TMEM45A: variants seen among roughly 807,000 people sequenced by gnomAD.
TMEM45A encodes transmembrane protein 45A, also known as DNA polymerase-transactivated protein 4.
Under a neutral mutation model 32.0 loss-of-function variants are expected in TMEM45A, and 25 were observed. That is an observed-to-expected ratio of 0.78 (90% CI 0.57 to 1.09). TMEM45A has a LOEUF of 1.09. TMEM45A is among the 50% of genes least tolerant of loss of function. The pLI is 0.00. For missense variants in TMEM45A, 302 were observed against 325.0 expected, an observed-to-expected ratio of 0.93 and a Z score of 0.54; for synonymous variants, 122 against 114.8, an observed-to-expected ratio of 1.06 and a Z score of -0.40.
At chr3:100,512,595 G>A (rs1398708478) in intron 1 of TMEM45A, among the ~76,000 whole-genome samples, 3 of 151,852 alleles carry the variant, frequency 2.0e-5, no homozygotes, top group African/African-American at 4.8e-5. Flanking sequence ...ACATTCAAAA[G>A]CTAGCAGAAG....
At chr3:100,576,078 T>C (rs9818445) in intron 5 of TMEM45A, among the ~76,000 whole-genome samples, 2,321 of 151,956 alleles carry the variant, frequency 0.015, 54 homozygotes, top group African/African-American at 0.053. Flanking sequence ...TTTGGGAGGC[T>C]GAGGCGGTCA....
chr3:100,503,856 C>T (rs994056547), intron 1 of TMEM45A, among the ~76,000 whole-genome samples: 4 of 152,084 alleles, frequency 2.6e-5, no homozygotes, highest in African/African-American at 4.8e-5. Flanking sequence ...AAGGTCACAC[C>T]GTGGTGAAAT....
intron 1 of TMEM45A, among the ~76,000 whole-genome samples, chr3:100,544,777 A>T (rs1705952841): frequency 6.6e-6 from 1 of 152,212 alleles, no homozygotes; most frequent in African/African-American, 2.4e-5. Context: ...TTGGGTTATT[A>T]TAAATAAAGC....
At chr3:100,543,503 A>C (rs1036581740) in intron 1 of TMEM45A, among the ~76,000 whole-genome samples, 1 of 152,192 alleles carries the variant, frequency 6.6e-6, no homozygotes, top group Non-Finnish European at 1.5e-5. Flanking sequence ...TCATGCCCTC[A>C]CCAACACTTG....
At chr3:100,576,758 A>T (rs1706696944) in intron 5 of TMEM45A, among the ~76,000 whole-genome samples, 167 bp from the exon 6 acceptor site, 1 of 152,254 alleles carries the variant, frequency 6.6e-6, no homozygotes, top group Non-Finnish European at 1.5e-5. Context: ...GCTTTAATCC[A>T]CAAAAATTTT....
At chr3:100,495,579 A>G (rs1707913364) in intron 1 of TMEM45A, among the ~76,000 whole-genome samples, 1 of 152,188 alleles carries the variant, frequency 6.6e-6, no homozygotes. Flanking sequence ...GGCAAGCCGA[A>G]CTGTCAGCAG....
chr3:100,517,235 G>A (rs1438002891), intron 1 of TMEM45A, among the ~76,000 whole-genome samples: 1 of 152,126 alleles, frequency 6.6e-6, no homozygotes, highest in East Asian at 1.9e-4. Flanking sequence ...TCCTGCCTTA[G>A]CCTCCTAAGT....
intron 4 of TMEM45A, among the ~76,000 whole-genome samples, chr3:100,566,821 C>A (rs766825003): frequency 9.2e-5 from 14 of 151,896 alleles, no homozygotes; most frequent in Non-Finnish European, 1.5e-4. Context: ...TTCTTGAAGT[C>A]CTTTGCCCAT....
At chr3:100,542,213 A>G (rs1159362012) in intron 1 of TMEM45A, among the ~76,000 whole-genome samples, 3 of 152,162 alleles carry the variant, frequency 2.0e-5, no homozygotes, top group South Asian at 2.1e-4. Flanking sequence ...GCTTGATAGG[A>G]ATAGCATTGA....
chr3:100,539,894 C>T (rs1229482440), intron 1 of TMEM45A, among the ~76,000 whole-genome samples: 2 of 152,174 alleles, frequency 1.3e-5, no homozygotes, highest in Non-Finnish European at 2.9e-5. Context: ...ATAAAATTAA[C>T]CACCAAATCT....
intron 4 of TMEM45A, among the ~76,000 whole-genome samples, chr3:100,561,215 CGGTAAGTGT>C (rs1238399408): frequency 3.9e-5 from 6 of 152,248 alleles, no homozygotes; most frequent in African/African-American, 1.4e-4. Context: ...TGCTTCCAGT[CGGTAAGTGT>C]GGCATATGAA....
intron 1 of TMEM45A, among the ~76,000 whole-genome samples, chr3:100,494,388 C>T (rs1707892863): frequency 6.6e-6 from 1 of 152,120 alleles, no homozygotes; most frequent in Non-Finnish European, 1.5e-5. Flanking sequence ...CTTTGGGAGG[C>T]CAAGGCAGGT....
intron 4 of TMEM45A, among the ~76,000 whole-genome samples, chr3:100,566,517 C>T (rs1269140222): frequency 6.6e-6 from 1 of 152,128 alleles, no homozygotes; most frequent in African/African-American, 2.4e-5. Flanking sequence ...TAGGCCTTTC[C>T]TTGCAATGGC....
chr3:100,566,368 A>G (rs1478436766), intron 4 of TMEM45A, among the ~76,000 whole-genome samples: 3 of 152,190 alleles, frequency 2.0e-5, no homozygotes, highest in Non-Finnish European at 4.4e-5. Context: ...ATTTTATCCC[A>G]ATAAAAAATT....
At chr3:100,496,635 T>C (rs1309494257) in intron 1 of TMEM45A, among the ~76,000 whole-genome samples, 1 of 152,210 alleles carries the variant, frequency 6.6e-6, no homozygotes, top group Non-Finnish European at 1.5e-5. Flanking sequence ...GGCCAGAATA[T>C]CAATGTGAAT....
At chr3:100,504,728 C>T (rs1003331255) in intron 1 of TMEM45A, among the ~76,000 whole-genome samples, 1 of 152,194 alleles carries the variant, frequency 6.6e-6, no homozygotes, top group African/African-American at 2.4e-5. Context: ...ATGTGAGATA[C>T]ACTCTGTTTT....
chr3:100,572,958 A>G (rs1347729831), intron 5 of TMEM45A: 21 of 151,688 alleles, frequency 1.4e-4, no homozygotes, highest in South Asian at 4.2e-4. Flanking sequence ...CCATTGGTCT[A>G]TATCTCTGTT....
At chr3:100,509,418 C>A (rs968829723) in intron 1 of TMEM45A, among the ~76,000 whole-genome samples, 1 of 152,180 alleles carries the variant, frequency 6.6e-6, no homozygotes, top group Admixed American at 6.5e-5. Flanking sequence ...TAGAGTCCAG[C>A]AATTTCGCTA....
intron 5 of TMEM45A, among the ~76,000 whole-genome samples, chr3:100,569,569 A>C (rs1044616878): frequency 2.0e-5 from 3 of 152,234 alleles, no homozygotes; most frequent in African/African-American, 7.2e-5. Flanking sequence ...CTTTGGGCCA[A>C]TTACTTAACC....
Sources: gnomAD v4.1 joint callset for allele counts (sites outside exome capture counted in the v4.1 genomes callset) on GRCh38, gnomAD v4.1.1 for gene constraint, MANE v1.5 for transcripts, NCBI Gene and HGNC (gene_info 2026-07-23, HGNC 2026-07-21) for gene names.